GPHN: variants seen among roughly 807,000 people sequenced by gnomAD.
The protein encoded by GPHN is gephyrin.
In GPHN, 17 loss-of-function variants were observed where a neutral mutation model predicts 95.5. The observed-to-expected ratio is 0.18, with a 90% CI of 0.12 to 0.27. The LOEUF is 0.27. Ranked by LOEUF, GPHN falls within the 10% of genes least tolerant of loss-of-function variation. The pLI is 1.00. For synonymous variants in GPHN, 320 were observed against 322.5 expected (o/e 0.99, Z 0.08); for missense variants, 660 against 978.1 (o/e 0.67, Z 4.34).
chr14:66,666,942 C>T (rs2065996962), intron 1 of GPHN, among the ~76,000 whole-genome samples: 1 of 152,180 alleles, frequency 6.6e-6, no homozygotes, highest in South Asian at 2.1e-4. Context: ...AGCAAAGTCT[C>T]AGGATACGCA....
chr14:67,374,354 G>T, the GPHN span: 8 of 544,318 alleles, frequency 1.5e-5, no homozygotes, highest in Non-Finnish European at 2.3e-5. Flanking sequence ...TAGGATTTTA[G>T]TAGGAAATAA....
the GPHN span, among the ~76,000 whole-genome samples, chr14:67,207,074 A>G: frequency 4.6e-5 from 7 of 152,202 alleles, no homozygotes; most frequent in Non-Finnish European, 1.0e-4. Context: ...TGTCAGGGAA[A>G]AGTGAAGTTT....
the GPHN span, among the ~76,000 whole-genome samples, chr14:67,192,832 ATATATATATC>A: frequency 1.7e-3 from 235 of 140,988 alleles, no homozygotes; most frequent in African/African-American, 5.7e-3. Flanking sequence ...GTACAGATCT[ATATATATATC>A]TATATATAGA....
At chr14:67,347,503 T>TTG in the GPHN span, 7 of 887,440 alleles carry the variant, frequency 7.9e-6, no homozygotes, top group Non-Finnish European at 1.0e-5. Context: ...AAGTTCTCTC[T>TTG]TTTTTTTTTT....
At chr14:66,768,542 T>C (rs2059046674) in intron 2 of GPHN, among the ~76,000 whole-genome samples, 1 of 152,008 alleles carries the variant, frequency 6.6e-6, no homozygotes, top group Non-Finnish European at 1.5e-5. Flanking sequence ...CAGGACTTTT[T>C]ATGATGATAA....
At chr14:67,639,052 T>C in the GPHN span, among the ~76,000 whole-genome samples, 1 of 152,240 alleles carries the variant, frequency 6.6e-6, no homozygotes, top group African/African-American at 2.4e-5. Flanking sequence ...TAGTAACCCT[T>C]CTAGCACCTG....
the GPHN span, among the ~76,000 whole-genome samples, chr14:67,540,964 A>G: frequency 6.6e-6 from 1 of 152,142 alleles, no homozygotes; most frequent in Admixed American, 6.5e-5. Flanking sequence ...ATAGGTGTCT[A>G]CTTGATTTGT....
At chr14:66,653,647 T>C (rs2065163747) in intron 1 of GPHN, among the ~76,000 whole-genome samples, 1 of 152,198 alleles carries the variant, frequency 6.6e-6, no homozygotes, top group African/African-American at 2.4e-5. Flanking sequence ...TTCTATAATA[T>C]TGTTAAATCA....
At chr14:66,965,724 G>C (rs2069276843) in intron 9 of GPHN, among the ~76,000 whole-genome samples, 1 of 152,132 alleles carries the variant, frequency 6.6e-6, no homozygotes, top group African/African-American at 2.4e-5. Flanking sequence ...CTTTAAACTT[G>C]TCCGGGCTGG....
chr14:66,669,684 G>A (rs934416336), intron 1 of GPHN, among the ~76,000 whole-genome samples: 6 of 151,368 alleles, frequency 4.0e-5, no homozygotes, highest in African/African-American at 1.2e-4. Flanking sequence ...GATTGTTTTC[G>A]CATGTTTCTT....
intron 8 of GPHN, among the ~76,000 whole-genome samples, chr14:66,956,969 T>TC (rs1229511117): frequency 0.025 from 1,498 of 59,062 alleles, 44 homozygotes; most frequent in African/African-American, 0.092. Flanking sequence ...TGTTGTGGGG[T>TC]GGGGGGAGGG....
intron 2 of GPHN, among the ~76,000 whole-genome samples, chr14:66,682,338 G>C (rs974981395): frequency 6.6e-6 from 1 of 152,114 alleles, no homozygotes; most frequent in Non-Finnish European, 1.5e-5. Flanking sequence ...TAATTATTCT[G>C]TTAGGATGTA....
At chr14:66,613,473 A>G (rs759708422) in intron 1 of GPHN, among the ~76,000 whole-genome samples, 25 of 152,234 alleles carry the variant, frequency 1.6e-4, no homozygotes, top group Admixed American at 1.0e-3. Context: ...GCTTGTTTAC[A>G]GTATGATTGC....
At chr14:67,621,115 A>C in the GPHN span, 1 of 719,804 alleles carries the variant, frequency 1.4e-6, no homozygotes, top group East Asian at 2.8e-5. Flanking sequence ...CTGCGGCTTA[A>C]GATCAAGGAG....
the GPHN span, among the ~76,000 whole-genome samples, chr14:67,405,124 T>C: frequency 6.8e-6 from 1 of 147,808 alleles, no homozygotes; most frequent in Non-Finnish European, 1.5e-5. Context: ...TCCCAGCTAC[T>C]CAGGAGGCTG....
At chr14:67,580,985 C>G in the GPHN span, 1 of 1,613,598 alleles carries the variant, frequency 6.2e-7, no homozygotes, top group Non-Finnish European at 8.5e-7. Flanking sequence ...AGGAGCTGCA[C>G]CCCGGAAAGT....
the GPHN span, among the ~76,000 whole-genome samples, chr14:67,190,554 T>G: frequency 6.6e-6 from 1 of 152,214 alleles, no homozygotes; most frequent in African/African-American, 2.4e-5. Context: ...CAGACTGTTA[T>G]CCCAATTTTT....
the GPHN span, among the ~76,000 whole-genome samples, chr14:67,639,249 GTTTGCATGA>G: frequency 6.6e-6 from 1 of 152,118 alleles, no homozygotes; most frequent in Non-Finnish European, 1.5e-5. Flanking sequence ...CTACATCCTG[GTTTGCATGA>G]TTGGACTTGG....
intron 2 of GPHN, among the ~76,000 whole-genome samples, chr14:66,755,241 G>A (rs1426761012): frequency 1.3e-5 from 2 of 152,036 alleles, no homozygotes; most frequent in South Asian, 2.1e-4. Context: ...TTTCTTGTAG[G>A]AATTAAATGT....
Sources: gnomAD v4.1 joint callset for allele counts (sites outside exome capture counted in the v4.1 genomes callset) on GRCh38, gnomAD v4.1.1 for gene constraint, MANE v1.5 for transcripts, NCBI Gene and HGNC (gene_info 2026-07-23, HGNC 2026-07-21) for gene names.